KLHL29: variants seen among roughly 807,000 people sequenced by gnomAD.
KLHL29 encodes the protein kelch-like protein 29.
KLHL29 carries 21 observed loss-of-function variants against 80.4 expected under a neutral mutation model. That is an observed-to-expected ratio of 0.26 (90% CI 0.19 to 0.38). The LOEUF (loss-of-function observed/expected upper bound fraction) is 0.38, where lower values mean the gene tolerates loss of function less well. KLHL29 is among the 10% of genes least tolerant of loss of function. KLHL29 has a pLI of 1.00. For synonymous variants in KLHL29, 511 were observed against 526.8 expected, an observed-to-expected ratio of 0.97 and a Z score of 0.41; for missense variants, 867 against 1,223.9, an observed-to-expected ratio of 0.71 and a Z score of 4.35.
intron 2 of KLHL29, among the ~76,000 whole-genome samples, chr2:23,478,429 G>T (rs896637199): frequency 1.3e-5 from 2 of 152,172 alleles, no homozygotes; most frequent in African/African-American, 2.4e-5. Flanking sequence ...CAGCTCACAG[G>T]GTCCTGTGTA....
chr2:23,404,535 C>T (rs1666678162), intron 1 of KLHL29, among the ~76,000 whole-genome samples: 1 of 152,084 alleles, frequency 6.6e-6, no homozygotes, highest in South Asian at 2.1e-4. Context: ...AAATCCGTGA[C>T]ATGATCGAGG....
chr2:23,453,559 C>T (rs113656552), intron 1 of KLHL29, among the ~76,000 whole-genome samples: 172 of 152,278 alleles, frequency 1.1e-3, no homozygotes, highest in African/African-American at 3.9e-3. Context: ...CCCCTGGAGC[C>T]GGAGCCCCTG....
intron 2 of KLHL29, among the ~76,000 whole-genome samples, chr2:23,560,612 C>G (rs1166544263): frequency 6.6e-6 from 1 of 152,190 alleles, no homozygotes; most frequent in Non-Finnish European, 1.5e-5. Flanking sequence ...TGGTGTAAGC[C>G]AGAAAGCATA....
intron 3 of KLHL29, among the ~76,000 whole-genome samples, chr2:23,569,767 A>G (rs955317661): frequency 2.0e-5 from 3 of 152,252 alleles, no homozygotes; most frequent in African/African-American, 7.2e-5. Flanking sequence ...AATGCATCTC[A>G]GGATCATTTA....
At chr2:23,518,683 G>C (rs550369458) in intron 2 of KLHL29, among the ~76,000 whole-genome samples, 1 of 152,254 alleles carries the variant, frequency 6.6e-6, no homozygotes, top group East Asian at 1.9e-4. Context: ...AGCAAGCACC[G>C]CATGTGCTTG....
At chr2:23,633,583 G>A (rs751742509) in intron 3 of KLHL29, among the ~76,000 whole-genome samples, 40 of 151,998 alleles carry the variant, frequency 2.6e-4, no homozygotes, top group Non-Finnish European at 5.3e-4. Context: ...TGGCTAGACA[G>A]TTCTGCTGAT....
chr2:23,424,433 T>C (rs1454718634), intron 1 of KLHL29, among the ~76,000 whole-genome samples: 1 of 152,204 alleles, frequency 6.6e-6, no homozygotes, highest in Non-Finnish European at 1.5e-5. Context: ...CTATTATTTG[T>C]CATCTATGCT....
chr2:23,398,475 G>A (rs529461251), intron 1 of KLHL29, among the ~76,000 whole-genome samples: 2 of 152,340 alleles, frequency 1.3e-5, no homozygotes, highest in Admixed American at 6.5e-5. Context: ...GAGAGTTATC[G>A]TTTAATGCGC....
intron 2 of KLHL29, among the ~76,000 whole-genome samples, chr2:23,545,364 G>T (rs182796241): frequency 5.1e-4 from 77 of 152,360 alleles, no homozygotes; most frequent in African/African-American, 1.8e-3. Context: ...CTTCTATAAA[G>T]TGGAGGCAGT....
At chr2:23,706,443 G>A in intron 13 of KLHL29, 38 bp from the exon 14 acceptor site, 1 of 1,403,596 alleles carries the variant, frequency 7.1e-7, no homozygotes, top group South Asian at 1.6e-5. Flanking sequence ...CAAGTTGGAA[G>A]TGAAATGCCT....
chr2:23,530,952 CAG>C (rs1184783078), intron 2 of KLHL29, among the ~76,000 whole-genome samples: 1 of 152,240 alleles, frequency 6.6e-6, no homozygotes, highest in Non-Finnish European at 1.5e-5. Context: ...CAGACATGGG[CAG>C]AGTCTCCCCA....
chr2:23,607,065 C>G (rs1207792898), intron 3 of KLHL29, among the ~76,000 whole-genome samples: 1 of 152,174 alleles, frequency 6.6e-6, no homozygotes, highest in Non-Finnish European at 1.5e-5. Context: ...TGGTGAGGGC[C>G]CCACCCTCAT....
chr2:23,528,373 C>T (rs576703917), intron 2 of KLHL29, among the ~76,000 whole-genome samples: 8 of 152,186 alleles, frequency 5.3e-5, no homozygotes, highest in African/African-American at 1.4e-4. Flanking sequence ...GGGCTGTTTC[C>T]GAGGCTGGTC....
chr2:23,437,282 A>G (rs992868609), intron 1 of KLHL29, among the ~76,000 whole-genome samples: 1 of 152,182 alleles, frequency 6.6e-6, no homozygotes, highest in South Asian at 2.1e-4. Context: ...TGAAATTGAG[A>G]TTGGTTTCTT....
intron 2 of KLHL29, among the ~76,000 whole-genome samples, chr2:23,558,736 C>T (rs751915418): frequency 1.6e-4 from 24 of 152,238 alleles, no homozygotes; most frequent in East Asian, 1.9e-4. Context: ...CCAGCACCTA[C>T]GTGGAACTTC....
intron 3 of KLHL29, among the ~76,000 whole-genome samples, chr2:23,578,993 T>C (rs954690714): frequency 1.3e-5 from 2 of 152,248 alleles, no homozygotes; most frequent in African/African-American, 4.8e-5. Flanking sequence ...TCATCGCCTC[T>C]ATCTGATGTT....
At chr2:23,521,924 C>T (rs1360502353) in intron 2 of KLHL29, among the ~76,000 whole-genome samples, 2 of 152,192 alleles carry the variant, frequency 1.3e-5, no homozygotes, top group African/African-American at 2.4e-5. Context: ...GCTCACTATG[C>T]TTACTAAGTT....
chr2:23,597,574 G>A (rs1026449351), intron 3 of KLHL29, among the ~76,000 whole-genome samples: 2 of 151,352 alleles, frequency 1.3e-5, no homozygotes, highest in Non-Finnish European at 2.9e-5. Context: ...TAGGCATTGT[G>A]CCACCATGCT....
intron 2 of KLHL29, among the ~76,000 whole-genome samples, chr2:23,526,193 G>A (rs1666310495): frequency 1.3e-5 from 2 of 152,228 alleles, no homozygotes; most frequent in South Asian, 4.1e-4. Flanking sequence ...TGCATGGAGT[G>A]TGCAGTCTGG....
Sources: gnomAD v4.1 joint callset for allele counts (sites outside exome capture counted in the v4.1 genomes callset) on GRCh38, gnomAD v4.1.1 for gene constraint, MANE v1.5 for transcripts, NCBI Gene and HGNC (gene_info 2026-07-23, HGNC 2026-07-21) for gene names.